The following TENM4 variants were observed in gnomAD, a reference collection of about 807,000 sequenced individuals.
The protein encoded by TENM4 is teneurin transmembrane protein 4.
A neutral mutation model predicts 243.3 loss-of-function variants in TENM4; 82 were observed. The ratio of observed to expected loss-of-function variants is 0.34; its 90% CI spans 0.28 to 0.40. The LOEUF (loss-of-function observed/expected upper bound fraction) is 0.40, where lower values mean the gene tolerates loss of function less well. Ranked by LOEUF, TENM4 falls within the 10% of genes least tolerant of loss-of-function variation. The pLI is 1.00. For synonymous variants in TENM4, 1,412 were observed against 1,456.3 expected (o/e 0.97, Z 0.69); for missense variants, 3,138 against 3,673.3 (o/e 0.85, Z 3.77).
intron 1 of TENM4, among the ~76,000 whole-genome samples, chr11:79,394,173 G>C (rs1858293651): frequency 6.6e-6 from 1 of 152,198 alleles, no homozygotes; most frequent in African/African-American, 2.4e-5. Flanking sequence ...AAAAGTCATT[G>C]TTTGCTACCC....
At chr11:79,310,617 A>T (rs1016289194) in intron 1 of TENM4, among the ~76,000 whole-genome samples, 1 of 152,376 alleles carries the variant, frequency 6.6e-6, no homozygotes, top group Non-Finnish European at 1.5e-5. Flanking sequence ...CTTTCCACTC[A>T]ATCAAAGTTG....
At chr11:78,891,098 T>C (rs1855653954) in intron 8 of TENM4, 140 bp downstream of exon 8, 2 of 705,088 alleles carry the variant, frequency 2.8e-6, no homozygotes, top group Non-Finnish European at 4.9e-6. Flanking sequence ...CTGTTGCAAG[T>C]TGAACACGGA....
At position 79,438,069 on chromosome 11, in the gene TENM4, G is replaced by T. The variant is rs1429843114; in HGVS notation, c.-321+2440C>A. ...AGATTCAGACAGATCGGGGATTTCA[G>T]TGGGAGGGGACGAGAGGTTTCAGGA... On this transcript the variant is annotated intron_variant, in intron 1 of 33. Coordinates refer to ENST00000278550, the MANE Select transcript of TENM4 (RefSeq NM_001098816.3). This position sits in a 1 kb window ranked among gnomAD's most constrained non-coding sequence, Gnocchi z 4.1. Among the ~76,000 whole-genome samples, 1 of 152,140 alleles carries T rather than the reference G, an allele frequency of 6.6e-6. No homozygotes were observed. The highest frequency in any genetic ancestry group is 2.4e-5 in the African/African-American group (1 of 41,434).
intron 1 of TENM4, among the ~76,000 whole-genome samples, chr11:79,303,907 A>G (rs1296583609): frequency 6.6e-6 from 1 of 152,184 alleles, no homozygotes; most frequent in Non-Finnish European, 1.5e-5. Context: ...ACTGAAGTTC[A>G]AAAGAGTCTT....
rs750556830 is a variant in TENM4 at position 78,658,457 on chromosome 11, C to T, written c.7911G>A (p.Gly2637=). ...TGACCCCATTCTCCAGGGTTCGCCG[C>T]CCCCCACTGAGGCCCAGGATGGCCA... is the stretch of plus-strand genomic sequence containing the variant. The part of the protein sequence containing the change: ...GDLAILGLSG[G]RRTLENGVNV... Residue 2637 remains glycine, a synonymous_variant, in exon 34 of 34, where the codon GGG becomes GGA. Transcript: ENST00000278550. The T allele has an allele frequency of 1.9e-6, 3 of 1,613,858 alleles. No homozygotes were observed. Among genetic ancestry groups the T allele is most frequent in the South Asian group, 2.2e-5 (2 of 91,078 alleles).
intron 6 of TENM4, among the ~76,000 whole-genome samples, chr11:78,947,180 G>A (rs776150949): frequency 6.6e-6 from 1 of 152,212 alleles, no homozygotes; most frequent in Non-Finnish European, 1.5e-5. Flanking sequence ...TACCCACCGT[G>A]TGCACTGGTC....
intron 5 of TENM4, chr11:79,068,595 A>G (rs965609843): frequency 2.0e-5 from 3 of 152,272 alleles, no homozygotes; most frequent in Non-Finnish European, 4.4e-5. Context: ...GTCAAAATGC[A>G]TATACATTAC....
chr11:79,139,775 ATAATATATATTATATTTATATAAATATAT>A (rs1862242396), intron 4 of TENM4, among the ~76,000 whole-genome samples: 2 of 36,576 alleles, frequency 5.5e-5, no homozygotes, highest in African/African-American at 1.8e-4. Context: ...ATATAAATAT[ATAATATATATTATATTTATATAAATATAT>A]AATATATATT....
intron 6 of TENM4, among the ~76,000 whole-genome samples, chr11:78,939,808 T>A (rs1856852230): frequency 6.6e-6 from 1 of 152,204 alleles, no homozygotes; most frequent in Non-Finnish European, 1.5e-5. Context: ...TATCTGCTTG[T>A]ATATTTTTAA....
chr11:79,139,930 T>G (rs1173132002), intron 4 of TENM4, among the ~76,000 whole-genome samples: 1 of 149,466 alleles, frequency 6.7e-6, no homozygotes, highest in African/African-American at 2.5e-5. Flanking sequence ...TAATACAAAA[T>G]TTGAAGATGG....
chr11:79,172,919 G>A (rs542862179), intron 3 of TENM4, among the ~76,000 whole-genome samples: 2 of 152,254 alleles, frequency 1.3e-5, no homozygotes, highest in East Asian at 3.9e-4. Flanking sequence ...GGGATTACAG[G>A]CGTGAGCCAC....
intron 2 of TENM4, among the ~76,000 whole-genome samples, chr11:79,285,022 G>A (rs1054947441): frequency 5.9e-5 from 9 of 152,086 alleles, no homozygotes; most frequent in South Asian, 2.1e-4. Flanking sequence ...GGCAGATCAC[G>A]AGGTCAAGAG....
At chr11:79,364,161 G>A (rs78286375) in intron 1 of TENM4, among the ~76,000 whole-genome samples, 22,108 of 152,216 alleles carry the variant, frequency 0.15, 1,696 homozygotes, top group Non-Finnish European at 0.17. Context: ...GAAAAGATGA[G>A]TAATCTTAGC....
At chr11:78,700,158 T>A (rs570173583) in intron 28 of TENM4, among the ~76,000 whole-genome samples, 2 of 152,328 alleles carry the variant, frequency 1.3e-5, no homozygotes, top group East Asian at 3.9e-4. Flanking sequence ...TGATGCTTGA[T>A]CAAGCTTGAG....
At chr11:79,108,991 C>A (rs1861439772) in intron 4 of TENM4, among the ~76,000 whole-genome samples, 2 of 152,176 alleles carry the variant, frequency 1.3e-5, no homozygotes, top group Non-Finnish European at 2.9e-5. Flanking sequence ...CTCTGCCGCC[C>A]AGAAGGCCTG....
At chr11:78,928,654 C>T (rs1048318731) in intron 6 of TENM4, among the ~76,000 whole-genome samples, 1 of 152,204 alleles carries the variant, frequency 6.6e-6, no homozygotes. Flanking sequence ...CATATTATAT[C>T]ACTTTCAAAA....
chr11:78,870,002 A>G (rs1251551044), intron 9 of TENM4, among the ~76,000 whole-genome samples: 1 of 152,182 alleles, frequency 6.6e-6, no homozygotes, highest in Non-Finnish European at 1.5e-5. Context: ...GCAACTTGCC[A>G]CAGGCACAGT....
chr11:78,830,271 G>C (rs1437229010), intron 12 of TENM4, among the ~76,000 whole-genome samples: 1 of 152,114 alleles, frequency 6.6e-6, no homozygotes, highest in African/African-American at 2.4e-5. Context: ...GCTCACCCTG[G>C]ACACCTCGGT....
chr11:78,951,059 A>G (rs1252715094), intron 6 of TENM4, among the ~76,000 whole-genome samples: 7 of 152,214 alleles, frequency 4.6e-5, no homozygotes, highest in African/African-American at 1.7e-4. Context: ...AAACCCCGGG[A>G]AAATGCAGCG....
Sources: gnomAD v4.1 joint callset for allele counts (sites outside exome capture counted in the v4.1 genomes callset) on GRCh38, gnomAD v4.1.1 for gene constraint, Gnocchi (gnomAD v3.1) non-coding constraint, MANE v1.5 for transcripts, NCBI Gene and HGNC (gene_info 2026-07-23, HGNC 2026-07-21) for gene names.